Variants in DACH2 observed in about 807,000 individuals in gnomAD.
DACH2 encodes the protein dachshund homolog 2.
In DACH2, 17 loss-of-function variants were observed where a neutral mutation model predicts 35.8. That is an observed-to-expected ratio of 0.48 (90% CI 0.33 to 0.71). The LOEUF is 0.71. Ranked by LOEUF, DACH2 falls within the 30% of genes least tolerant of loss-of-function variation. DACH2 has a pLI of 0.02. For missense variants in DACH2, 469 were observed against 472.7 expected (o/e 0.99, Z 0.07); for synonymous variants, 195 against 177.3 (o/e 1.10, Z -0.79).
chrX:86,208,853 G>C (rs1363145568), intron 1 of DACH2, among the ~76,000 whole-genome samples: 1 of 111,595 alleles, frequency 9.0e-6, no homozygotes, highest in Non-Finnish European at 1.9e-5. Flanking sequence ...CCTGCTTTTA[G>C]GGGGCTCAAA....
intron 3 of DACH2, among the ~76,000 whole-genome samples, chrX:86,518,418 T>A (rs939895142): frequency 8.9e-6 from 1 of 112,115 alleles, no homozygotes; most frequent in African/African-American, 3.2e-5. Context: ...AATAGGTTTT[T>A]CTAGTTCTAT....
intron 1 of DACH2, among the ~76,000 whole-genome samples, chrX:86,346,416 T>G (rs2035498250): frequency 9.9e-6 from 1 of 101,303 alleles, no homozygotes; most frequent in Admixed American, 1.0e-4. Flanking sequence ...TATCTATCCA[T>G]TCCATGTCAT....
chrX:86,246,777 T>C (rs1378770012), intron 1 of DACH2, among the ~76,000 whole-genome samples: 1 of 111,505 alleles, frequency 9.0e-6, no homozygotes, highest in Non-Finnish European at 1.9e-5. Context: ...TACGATCAAG[T>C]CTGAATAACA....
At chrX:86,477,547 G>T (rs1487031122) in intron 2 of DACH2, among the ~76,000 whole-genome samples, 1 of 107,889 alleles carries the variant, frequency 9.3e-6, no homozygotes, top group Non-Finnish European at 1.9e-5. Flanking sequence ...TTCACCCTAT[G>T]TGTTTCTATA....
At chrX:86,798,311 A>C (rs763462287) in intron 7 of DACH2, among the ~76,000 whole-genome samples, 1 of 112,109 alleles carries the variant, frequency 8.9e-6, no homozygotes, top group African/African-American at 3.2e-5. Flanking sequence ...AGAAACAGGA[A>C]ATCTTATTTC....
At chrX:86,382,461 T>TACACACACACACACACACACACAC (rs55825336) in intron 2 of DACH2, among the ~76,000 whole-genome samples, 11 of 94,617 alleles carry the variant, frequency 1.2e-4, no homozygotes, top group African/African-American at 4.4e-4. Context: ...GCTACATTCA[T>TACACACACACACACACACACACAC]ACACACACAC....
chrX:86,490,705 C>T (rs1425279616), intron 2 of DACH2, among the ~76,000 whole-genome samples: 1 of 110,583 alleles, frequency 9.0e-6, no homozygotes, highest in Non-Finnish European at 1.9e-5. Context: ...TTCGATAAGT[C>T]TGGGATAAGG....
chrX:86,339,474 C>A (rs773631313), intron 1 of DACH2, among the ~76,000 whole-genome samples: 2 of 111,433 alleles, frequency 1.8e-5, no homozygotes, highest in African/African-American at 6.5e-5. Flanking sequence ...TACTATGTGG[C>A]GGGCACAAAC....
intron 3 of DACH2, among the ~76,000 whole-genome samples, chrX:86,607,064 T>C (rs1012068365): frequency 9.0e-6 from 1 of 111,688 alleles, no homozygotes; most frequent in African/African-American, 3.2e-5. Flanking sequence ...TTATTTTTAG[T>C]CTGTGTGTGT....
rs2039993380 is a variant in DACH2, at chrX:86,615,667, C to A, written c.641-35369C>A. On this transcript the variant is annotated intron_variant, in intron 3 of 11. Transcript: ENST00000373125. Reference sequence around the variant, plus strand: ...ATACATCCAAGGAGTAACTAAAGCACTATTTTAATGTAAATCTTTCTCTCC... The same window carrying A: ...ATACATCCAAGGAGTAACTAAAGCAATATTTTAATGTAAATCTTTCTCTCC... Among the ~76,000 whole-genome samples the A allele has an allele frequency of 2.7e-5, 3 of 111,246 alleles. No individual in the cohort carries two copies. In the South Asian group the frequency reaches 1.1e-3, roughly 42 times the overall value.
intron 1 of DACH2, among the ~76,000 whole-genome samples, chrX:86,278,087 ATATGG>A (rs2033953180): frequency 9.0e-6 from 1 of 111,464 alleles, no homozygotes; most frequent in African/African-American, 3.3e-5. Context: ...AAAAAAGGTC[ATATGG>A]TTACTCTTTG....
intron 1 of DACH2, among the ~76,000 whole-genome samples, chrX:86,243,245 G>A (rs772224011): frequency 6.3e-5 from 7 of 111,542 alleles, no homozygotes; most frequent in Admixed American, 9.5e-5. Flanking sequence ...AAAAAAAGTC[G>A]AGAGATCTAA....
intron 6 of DACH2, among the ~76,000 whole-genome samples, chrX:86,721,387 CT>C (rs1294795309): frequency 1.8e-5 from 2 of 111,961 alleles, no homozygotes. Context: ...TTCCACAGAT[CT>C]CTAGGGCAGG....
chrX:86,569,244 C>T (rs1034718607), intron 3 of DACH2, among the ~76,000 whole-genome samples: 8 of 110,843 alleles, frequency 7.2e-5, no homozygotes, highest in African/African-American at 1.3e-4. Flanking sequence ...TAATGCTCAT[C>T]GTTGATGAGC....
chrX:86,621,716 T>C (rs145622334), intron 3 of DACH2, among the ~76,000 whole-genome samples: 1,701 of 111,349 alleles, frequency 0.015, 23 homozygotes, highest in Non-Finnish European at 0.027. Flanking sequence ...TTTCATAGAG[T>C]TGTTTTGAAG....
intron 5 of DACH2, among the ~76,000 whole-genome samples, chrX:86,711,478 A>G (rs2041279304): frequency 8.9e-6 from 1 of 112,603 alleles, no homozygotes; most frequent in Non-Finnish European, 1.9e-5. Flanking sequence ...ATAGGAAAAG[A>G]GATAACCCAT....
chrX:86,364,206 C>T (rs767864753), intron 1 of DACH2, among the ~76,000 whole-genome samples: 1 of 111,369 alleles, frequency 9.0e-6, no homozygotes, highest in Admixed American at 9.6e-5. Flanking sequence ...GTAATAAGGG[C>T]ATGCTATTTG....
chrX:86,238,328 G>T (rs1264624311), intron 1 of DACH2, among the ~76,000 whole-genome samples: 1 of 111,513 alleles, frequency 9.0e-6, no homozygotes, highest in African/African-American at 3.3e-5. Flanking sequence ...TCTTGATTTT[G>T]TTTTGTGCTA....
At chrX:86,736,860 A>T (rs923730329) in intron 6 of DACH2, among the ~76,000 whole-genome samples, 1 of 111,375 alleles carries the variant, frequency 9.0e-6, no homozygotes, top group African/African-American at 3.3e-5. Context: ...TCCATTAGAG[A>T]TAAACATAGT....
Sources: allele counts gnomAD v4.1 joint callset (sites outside exome capture counted in the v4.1 genomes callset), GRCh38; gene constraint gnomAD v4.1.1; transcripts MANE v1.5; gene names NCBI Gene and HGNC (gene_info 2026-07-23, HGNC 2026-07-21).